HYCC1: variants seen among roughly 807,000 people sequenced by gnomAD.
HYCC1 encodes hyccin.
chr7:22,999,133 G>T, the HYCC1 span, among the ~76,000 whole-genome samples: 1 of 152,038 alleles, frequency 6.6e-6, no homozygotes, highest in Non-Finnish European at 1.5e-5. Context: ...AGATAATCTT[G>T]ACTTAGAAAA....
At chr7:22,924,386 T>C in the HYCC1 span, among the ~76,000 whole-genome samples, 2 of 152,094 alleles carry the variant, frequency 1.3e-5, no homozygotes, top group African/African-American at 4.8e-5. Flanking sequence ...GGGCGAGGCA[T>C]TGCCTCACCC....
At chr7:22,999,826 T>C in the HYCC1 span, among the ~76,000 whole-genome samples, 1 of 152,020 alleles carries the variant, frequency 6.6e-6, no homozygotes, top group African/African-American at 2.4e-5. Flanking sequence ...GCAATTGTAA[T>C]CCAGATGGCA....
At chr7:22,951,664 C>T in the HYCC1 span, among the ~76,000 whole-genome samples, 1 of 151,672 alleles carries the variant, frequency 6.6e-6, no homozygotes, top group Non-Finnish European at 1.5e-5. Flanking sequence ...TTAAGCTATT[C>T]CTTACAGTGT....
chr7:22,967,136 C>T, the HYCC1 span, among the ~76,000 whole-genome samples: 22 of 152,162 alleles, frequency 1.4e-4, no homozygotes, highest in East Asian at 1.9e-4. Flanking sequence ...CTGTGTCAGA[C>T]TCTAGAGATA....
At chr7:23,000,981 A>C in the HYCC1 span, among the ~76,000 whole-genome samples, 2 of 152,190 alleles carry the variant, frequency 1.3e-5, no homozygotes, top group South Asian at 4.1e-4. Context: ...CTGTATTATT[A>C]ATCTCTAAGA....
the HYCC1 span, among the ~76,000 whole-genome samples, chr7:22,921,415 T>C: frequency 7.2e-5 from 11 of 152,230 alleles, no homozygotes; most frequent in Non-Finnish European, 1.6e-4. Flanking sequence ...ACTATAAATA[T>C]ATACTTTCTC....
the HYCC1 span, among the ~76,000 whole-genome samples, chr7:23,002,865 G>C: frequency 6.6e-6 from 1 of 152,086 alleles, no homozygotes; most frequent in African/African-American, 2.4e-5. Flanking sequence ...CAAGATTCAG[G>C]AGGGTTGGTT....
the HYCC1 span, chr7:22,960,561 A>C: frequency 2.9e-6 from 2 of 681,890 alleles, no homozygotes; most frequent in South Asian, 3.3e-5. Flanking sequence ...AAATCCTCTA[A>C]GATAAGAATA....
At chr7:23,004,398 C>T in the HYCC1 span, among the ~76,000 whole-genome samples, 1 of 152,178 alleles carries the variant, frequency 6.6e-6, no homozygotes, top group African/African-American at 2.4e-5. Flanking sequence ...CACTGTATTA[C>T]AATAAATTCT....
the HYCC1 span, among the ~76,000 whole-genome samples, chr7:22,990,285 ATCTTT>A: frequency 1.3e-5 from 2 of 152,214 alleles, no homozygotes; most frequent in Non-Finnish European, 2.9e-5. Context: ...CTATAATTTT[ATCTTT>A]TCTTTGGTTT....
At chr7:22,898,589 CTTTTCTTTTCTTTTCTTTT>C in the HYCC1 span, among the ~76,000 whole-genome samples, 2 of 56,638 alleles carry the variant, frequency 3.5e-5, no homozygotes, top group East Asian at 6.1e-4. Context: ...CTTTTCTTTT[CTTTTCTTTTCTTTTCTTTT>C]TTTTTTTTTT....
chr7:22,917,373 A>G, the HYCC1 span, among the ~76,000 whole-genome samples: 1 of 152,178 alleles, frequency 6.6e-6, no homozygotes, highest in Non-Finnish European at 1.5e-5. Context: ...CATCGTGGAA[A>G]TCTATTCTCA....
At chr7:22,947,054 T>C in the HYCC1 span, 8 of 1,550,314 alleles carry the variant, frequency 5.2e-6, no homozygotes, top group South Asian at 4.8e-5. Flanking sequence ...TCCTGATCTC[T>C]GGCAAGCCTT....
the HYCC1 span, chr7:22,960,278 C>A: frequency 6.2e-7 from 1 of 1,613,704 alleles, no homozygotes; most frequent in East Asian, 2.2e-5. Flanking sequence ...ACCTATGACC[C>A]CTTATTGACA....
chr7:22,928,314 T>C, the HYCC1 span, among the ~76,000 whole-genome samples: 1 of 152,160 alleles, frequency 6.6e-6, no homozygotes, highest in African/African-American at 2.4e-5. Flanking sequence ...CTATTCAACA[T>C]AGTGTTGGAA....
the HYCC1 span, among the ~76,000 whole-genome samples, chr7:23,001,753 G>A: frequency 1.3e-5 from 2 of 152,116 alleles, no homozygotes; most frequent in South Asian, 4.1e-4. Flanking sequence ...ATTTACCACA[G>A]TGCCTACATA....
chr7:23,009,426 T>C, the HYCC1 span, among the ~76,000 whole-genome samples: 2 of 152,258 alleles, frequency 1.3e-5, no homozygotes, highest in African/African-American at 2.4e-5. Context: ...CTTTAATTCT[T>C]TATCACAATG....
chr7:22,935,507 C>G, the HYCC1 span: 1 of 152,216 alleles, frequency 6.6e-6, no homozygotes, highest in Non-Finnish European at 1.5e-5. Context: ...TCTTTTATGA[C>G]TTGGCAGGCA....
At chr7:22,961,645 C>A in the HYCC1 span, among the ~76,000 whole-genome samples, 2 of 152,020 alleles carry the variant, frequency 1.3e-5, no homozygotes, top group Admixed American at 1.3e-4. Context: ...AAATTATATA[C>A]CTTAGAAAAA....
Sources: allele counts gnomAD v4.1 joint callset (sites outside exome capture counted in the v4.1 genomes callset), GRCh38; gene constraint gnomAD v4.1.1; transcripts MANE v1.5; gene names NCBI Gene and HGNC (gene_info 2026-07-23, HGNC 2026-07-21).